DLG2: variants seen among roughly 807,000 people sequenced by gnomAD.
DLG2 encodes the protein disks large homolog 2.
A neutral mutation model predicts 132.5 loss-of-function variants in DLG2; 45 were observed. That is an observed-to-expected ratio of 0.34 (90% CI 0.27 to 0.44). The LOEUF is 0.44. Ranked by LOEUF, DLG2 falls within the 20% of genes least tolerant of loss-of-function variation. DLG2 has a pLI of 1.00. For synonymous variants in DLG2, 424 were observed against 419.6 expected (o/e 1.01, Z -0.13); for missense variants, 1,045 against 1,196.9 (o/e 0.87, Z 1.87).
chr11:83,469,499 T>G, intron 24 of DLG2, 126 bp from the exon 25 acceptor site: 1 of 678,756 alleles, frequency 1.5e-6, no homozygotes, highest in Non-Finnish European at 2.4e-6. Flanking sequence ...AAATATGACA[T>G]AGTAACAGGT....
intron 3 of DLG2, among the ~76,000 whole-genome samples, chr11:85,359,732 G>A (rs1477600822): frequency 6.6e-6 from 1 of 152,108 alleles, no homozygotes; most frequent in Non-Finnish European, 1.5e-5. Flanking sequence ...ATAGGGGAGG[G>A]CGCAACAACG....
chr11:84,852,529 TA>T, intron 6 of DLG2, among the ~76,000 whole-genome samples: 1 of 152,022 alleles, frequency 6.6e-6, no homozygotes, highest in East Asian at 1.9e-4. Flanking sequence ...GAATTTGTGG[TA>T]TGCGTTTGCC....
chr11:84,053,882 A>G (rs987305951), intron 11 of DLG2, among the ~76,000 whole-genome samples: 1 of 152,064 alleles, frequency 6.6e-6, no homozygotes, highest in Non-Finnish European at 1.5e-5. Flanking sequence ...TCTTTACTAC[A>G]TTCTCAGTTT....
chr11:83,897,613 G>A (rs556261637), intron 15 of DLG2, among the ~76,000 whole-genome samples: 1 of 152,108 alleles, frequency 6.6e-6, no homozygotes, highest in African/African-American at 2.4e-5. Context: ...TGATAAAGTG[G>A]AGGCTGAATT....
intron 19 of DLG2, among the ~76,000 whole-genome samples, chr11:83,606,591 G>T (rs1406063264): frequency 2.6e-5 from 4 of 151,746 alleles, no homozygotes; most frequent in Non-Finnish European, 5.9e-5. Context: ...CTGTTTAAAG[G>T]AATAGAGCTA....
intron 6 of DLG2, among the ~76,000 whole-genome samples, chr11:84,698,503 A>G (rs1376823681): frequency 6.6e-6 from 1 of 151,608 alleles, no homozygotes; most frequent in African/African-American, 2.4e-5. Flanking sequence ...ATGACAAAAT[A>G]CAATCGACTT....
chr11:84,690,796 C>A (rs922248365), intron 6 of DLG2, among the ~76,000 whole-genome samples: 22 of 151,840 alleles, frequency 1.4e-4, no homozygotes, highest in Admixed American at 2.0e-4. Flanking sequence ...TAATAACAGG[C>A]AGAAGTGGTA....
intron 18 of DLG2, among the ~76,000 whole-genome samples, chr11:83,698,767 G>T (rs756540765): frequency 6.6e-6 from 1 of 152,086 alleles, no homozygotes; most frequent in Non-Finnish European, 1.5e-5. Flanking sequence ...CTCATCCTAC[G>T]TTATCTCTTC....
At chr11:85,494,342 T>C (rs2093625621) in intron 3 of DLG2, among the ~76,000 whole-genome samples, 1 of 152,214 alleles carries the variant, frequency 6.6e-6, no homozygotes, top group South Asian at 2.1e-4. Context: ...AGAAAAGGAA[T>C]TGTTCTTAAA....
chr11:85,434,124 A>G (rs998166939), intron 3 of DLG2, among the ~76,000 whole-genome samples: 3 of 152,154 alleles, frequency 2.0e-5, no homozygotes, highest in Admixed American at 6.6e-5. Context: ...TTTGAAACCA[A>G]TGGAAAAAAA....
intron 18 of DLG2, among the ~76,000 whole-genome samples, chr11:83,750,639 A>G (rs1292776893): frequency 6.6e-6 from 1 of 152,228 alleles, no homozygotes; most frequent in African/African-American, 2.4e-5. Flanking sequence ...GATATATGAA[A>G]TAAATATGCT....
intron 3 of DLG2, among the ~76,000 whole-genome samples, chr11:85,405,923 C>A (rs1459797038): frequency 1.3e-5 from 2 of 151,888 alleles, no homozygotes; most frequent in African/African-American, 4.8e-5. Context: ...GTTAGATTAT[C>A]AAGAGATATT....
intron 6 of DLG2, among the ~76,000 whole-genome samples, chr11:84,821,641 AC>A (rs376148360): frequency 0.099 from 7,983 of 80,842 alleles, 617 homozygotes; most frequent in African/African-American, 0.24. Context: ...AAAAAAAAAA[AC>A]AACAACAACA....
chr11:84,598,519 A>G (rs1414047424), intron 6 of DLG2, among the ~76,000 whole-genome samples: 1 of 152,150 alleles, frequency 6.6e-6, no homozygotes, highest in African/African-American at 2.4e-5. Flanking sequence ...TTCATCACTA[A>G]ATTCTGAGAA....
intron 3 of DLG2, among the ~76,000 whole-genome samples, chr11:85,587,955 A>G (rs1046454316): frequency 3.9e-5 from 6 of 152,164 alleles, no homozygotes; most frequent in African/African-American, 1.4e-4. Flanking sequence ...TCATTTATGA[A>G]GCTCAGTTTT....
At chr11:84,266,704 G>C (rs757122273) in intron 7 of DLG2, among the ~76,000 whole-genome samples, 3 of 152,184 alleles carry the variant, frequency 2.0e-5, no homozygotes, top group African/African-American at 7.2e-5. Flanking sequence ...ACATATGATG[G>C]TTCAAACTAT....
chr11:85,621,871 G>A (rs553764237), intron 2 of DLG2, among the ~76,000 whole-genome samples: 1 of 152,238 alleles, frequency 6.6e-6, no homozygotes, highest in South Asian at 2.1e-4. Flanking sequence ...AGCAGGGTTT[G>A]AGAAAACCAA....
chr11:84,583,351 C>A (rs1465935495), intron 6 of DLG2, among the ~76,000 whole-genome samples: 1 of 152,180 alleles, frequency 6.6e-6, no homozygotes, highest in Non-Finnish European at 1.5e-5. Flanking sequence ...TGAACAACTG[C>A]TTTGTTTGAA....
At chr11:84,013,774 G>T (rs944794812) in intron 11 of DLG2, among the ~76,000 whole-genome samples, 1 of 149,486 alleles carries the variant, frequency 6.7e-6, no homozygotes, top group Admixed American at 6.8e-5. Context: ...GGCTGAGGCA[G>T]GAGAATTCCT....
Sources: allele counts gnomAD v4.1 joint callset (sites outside exome capture counted in the v4.1 genomes callset), GRCh38; gene constraint gnomAD v4.1.1; transcripts MANE v1.5; gene names NCBI Gene and HGNC (gene_info 2026-07-23, HGNC 2026-07-21).